Variants in ZFP30 observed in about 807,000 individuals in gnomAD.
ZFP30 encodes zinc finger protein 30 homolog.
ZFP30 carries 16 observed loss-of-function variants against 12.3 expected under a neutral mutation model. The observed-to-expected ratio is 1.30, with a 90% confidence interval of 0.88 to 1.98. The LOEUF (loss-of-function observed/expected upper bound fraction) is 1.98, where lower values mean the gene tolerates loss of function less well. Ranked by LOEUF, ZFP30 falls within the 30% of genes most tolerant of loss-of-function variation. The pLI is 0.00. For synonymous variants in ZFP30, 172 were observed against 201.0 expected (o/e 0.86, Z 1.22); for missense variants, 560 against 611.2 (o/e 0.92, Z 0.88).
chr19:37,651,952 T>C, intron 2 of ZFP30, among the ~76,000 whole-genome samples: 1 of 152,080 alleles, frequency 6.6e-6, no homozygotes, highest in East Asian at 1.9e-4. Context: ...TACAAAACAA[T>C]ATATGATTAG....
intron 3 of ZFP30, 107 bp from the exon 4 acceptor site, chr19:37,644,843 G>A (rs1307923713): frequency 1.7e-6 from 2 of 1,178,584 alleles, no homozygotes; most frequent in South Asian, 1.6e-5. Flanking sequence ...CTAGCTTTGG[G>A]AGCCTGAAGC....
At chr19:37,641,739 A>T (rs1216999639) in intron 5 of ZFP30, among the ~76,000 whole-genome samples, 1 of 152,262 alleles carries the variant, frequency 6.6e-6, no homozygotes, top group African/African-American at 2.4e-5. Context: ...ATAAAATTTT[A>T]AACAACCTAA....
chr19:37,644,142 AG>A (rs1345353339), intron 4 of ZFP30, among the ~76,000 whole-genome samples: 4 of 152,222 alleles, frequency 2.6e-5, no homozygotes, highest in Non-Finnish European at 5.9e-5. Context: ...ATAACAGAAA[AG>A]TCGAAGAAAA....
At chr19:37,649,172 G>C (rs1225886853) in intron 2 of ZFP30, among the ~76,000 whole-genome samples, 1 of 151,388 alleles carries the variant, frequency 6.6e-6, no homozygotes, top group Non-Finnish European at 1.5e-5. Context: ...TTGAGCCCAG[G>C]AGTTCAGGGC....
chr19:37,654,885 T>G lies in ZFP30; in HGVS notation c.-245-6A>C, dbSNP rs2044720683. The G allele has an allele frequency of 2.6e-5, 4 of 152,304 alleles. No individual in the cohort carries two copies. In the South Asian group the frequency reaches 8.3e-4, roughly 32 times the overall value. The allele number at this position is 152,304 out of a possible 1,614,324, so 9.4% of individuals were successfully genotyped here. On this transcript the variant is annotated splice_region_variant and splice_polypyrimidine_tract_variant and intron_variant, in intron 1 of 5. Coordinates refer to ENST00000684514, the MANE Select transcript of ZFP30 (RefSeq NM_001320669.3). The stretch of plus-strand genomic sequence containing the variant: ...TGGCCCCAACTAACCGCCACCTGCA[T>G]GCACAAATGGAAACGACAGGGCAGA...
At chr19:37,648,178 C>A (rs746164320) in intron 2 of ZFP30, among the ~76,000 whole-genome samples, 17 of 152,160 alleles carry the variant, frequency 1.1e-4, no homozygotes, top group Non-Finnish European at 2.1e-4. Context: ...CCAGCTCTGA[C>A]CCCAAGGCGG....
chr19:37,655,771 G>A (rs1293847428), upstream of ZFP30: 1 of 152,116 alleles, frequency 6.6e-6, no homozygotes, highest in Non-Finnish European at 1.5e-5. Flanking sequence ...TCGGCTCGGA[G>A]ACAGGCGGAG....
In ZFP30 at chr19:37,634,699, T is replaced by A; in HGVS notation, c.*282A>T. The A allele has an allele frequency of 3.4e-6, 1 of 298,142 alleles. No homozygotes were observed. Among genetic ancestry groups the A allele is most frequent in the South Asian group, 1.1e-4 (1 of 8,994 alleles). The allele number at this position is 298,142 out of a possible 1,614,324, so 18.5% of individuals were successfully genotyped here. On this transcript the variant is annotated 3_prime_UTR_variant, in exon 6 of 6. Coordinates refer to ENST00000684514, the MANE Select transcript of ZFP30 (RefSeq NM_001320669.3). ...CAACCTTCGTGTGTATATACACAGA[T>A]GGAAGAATATGGAGATAATAATAGG...
rs767407797 is a variant in ZFP30 at position 37,635,373 on chromosome 19, ACTT to A, written c.1165_1167del (p.Lys389del). 2 of 1,613,232 alleles carry A rather than the reference ACTT, an allele frequency of 1.2e-6. No homozygotes were observed. Among genetic ancestry groups the A allele is most frequent in the Non-Finnish European group, 1.7e-6 (2 of 1,179,816 alleles). Reference sequence around the variant, plus strand: ...ATAAGTTCTGAGTAACGACGAAAGAACTTCTGACATTCCTTACATTCATAGGGC... The same window carrying A: ...ATAAGTTCTGAGTAACGACGAAAGAACTGACATTCCTTACATTCATAGGGC... On this transcript the variant is annotated inframe_deletion, in exon 6 of 6. Coordinates refer to ENST00000684514, the MANE Select transcript of ZFP30 (RefSeq NM_001320669.3).
intron 3 of ZFP30, among the ~76,000 whole-genome samples, chr19:37,645,591 A>T (rs1159999347): frequency 2.7e-5 from 4 of 149,054 alleles, no homozygotes; most frequent in African/African-American, 9.9e-5. Context: ...AAAACTTCCT[A>T]CGTACTATGG....
intron 2 of ZFP30, among the ~76,000 whole-genome samples, chr19:37,652,719 ACTAATATTT>A (rs2044675990): frequency 6.6e-6 from 1 of 152,214 alleles, no homozygotes; most frequent in Admixed American, 6.5e-5. Flanking sequence ...TTCCGTAGTT[ACTAATATTT>A]CACAAGCTTG....
upstream of ZFP30, chr19:37,655,630 G>C (rs1004651700): frequency 3.3e-5 from 5 of 152,444 alleles, no homozygotes; most frequent in Admixed American, 6.5e-5. Context: ...CTCGCCTCAG[G>C]CCTCTACCTG....
At position 37,635,484 on chromosome 19, in the gene ZFP30, G is replaced by C. The variant is rs763667151; in HGVS notation, c.1057C>G (p.Pro353Ala). Residue 353 changes from proline (P) to alanine (A), a missense_variant, in exon 6 of 6, where the codon CCT becomes GCT. Transcript: ENST00000684514. ...LHQRIHTGEK[P>A]YDCKECGKTF... ...TTCCCACATTCCTTACAATCATAAG[G>C]CTTCTCACCAGTGTGAATTCTCTGA... 2 of 1,613,970 alleles carry C rather than the reference G, an allele frequency of 1.2e-6. No individual in the cohort carries two copies. Among genetic ancestry groups the C allele is most frequent in the Admixed American group, 1.7e-5 (1 of 59,998 alleles).
chr19:37,636,026 T>C lies in ZFP30; in HGVS notation c.515A>G (p.Gln172Arg). The change falls in exon 6 of 6, where the codon CAA becomes CGA. Residue 172 changes from glutamine (Q) to arginine (R), a missense_variant. Gln to Arg is a conservative substitution (Grantham distance 43, BLOSUM62 1). Transcript: ENST00000684514. Reference sequence around the variant, plus strand: ...ATGAATTCTTTGATGGAAAGTAAGTTGTTGTCGTACTCTAAAAGCCTTCCC... The same window carrying C: ...ATGAATTCTTTGATGGAAAGTAAGTCGTTGTCGTACTCTAAAAGCCTTCCC... Reference protein sequence around the residue: ...ECGKAFRVRQQLTFHQRIHTG... With the variant: ...ECGKAFRVRQRLTFHQRIHTG... The C allele has an allele frequency of 1.2e-6, 2 of 1,614,146 alleles. No individual in the cohort carries two copies. Among genetic ancestry groups the C allele is most frequent in the East Asian group, 2.2e-5 (1 of 44,878 alleles).
At position 37,635,171 on chromosome 19, in the gene ZFP30, T is replaced by C. The variant is rs546189915; in HGVS notation, c.1370A>G (p.Gln457Arg). The C allele has an allele frequency of 3.1e-6, 5 of 1,612,196 alleles. No individual in the cohort carries two copies. The highest frequency in any genetic ancestry group is 4.2e-6 in the Non-Finnish European group (5 of 1,178,924). ...FRLLSQLTQHQSIHTGEKPYD... is the reference protein window; with the variant it reads ...FRLLSQLTQHRSIHTGEKPYD... ...GGGCTTTTCACCAGTATGAATACTT[T>C]GATGTTGGGTAAGTTGTGAAAGCAG... The change falls in exon 6 of 6, where the codon CAA becomes CGA. Residue 457 changes from glutamine to arginine, a missense_variant. Transcript: ENST00000684514.
intron 5 of ZFP30, among the ~76,000 whole-genome samples, chr19:37,642,278 C>T (rs1353990128): frequency 6.6e-6 from 1 of 152,028 alleles, no homozygotes; most frequent in East Asian, 1.9e-4. Context: ...TTAATTTATG[C>T]TTTTTAAATG....
At chr19:37,650,533 G>A (rs1258307749) in intron 2 of ZFP30, among the ~76,000 whole-genome samples, 1 of 152,060 alleles carries the variant, frequency 6.6e-6, no homozygotes, top group Non-Finnish European at 1.5e-5. Context: ...CAAATCTAGA[G>A]GCAGTAATTT....
chr19:37,636,287 T>TA lies in ZFP30; in HGVS notation c.253_254insT (p.Asp85ValfsTer3). ...CTTTCCTTGAAATAACTTTTTAGTG[T>TA]CATATCTGGATTCCAAATCTGAAAG... On this transcript the variant is annotated frameshift_variant, in exon 6 of 6. Transcript: ENST00000684514. LOFTEE classifies it low-confidence loss of function (END_TRUNC). 1 of 1,588,710 alleles carries TA rather than the reference T, an allele frequency of 6.3e-7. No homozygotes were observed. Among genetic ancestry groups the TA allele is most frequent in the Non-Finnish European group, 8.6e-7 (1 of 1,169,530 alleles).
At chr19:37,649,843 GA>G (rs67049117) in intron 2 of ZFP30, among the ~76,000 whole-genome samples, 112,213 of 148,958 alleles carry the variant, frequency 0.75, 42,642 homozygotes, top group Middle Eastern at 0.83. Flanking sequence ...AGAAAGAAAA[GA>G]AAAAAAAAAG....
Sources: gnomAD v4.1 joint callset for allele counts (sites outside exome capture counted in the v4.1 genomes callset) on GRCh38, gnomAD v4.1.1 for gene constraint, MANE v1.5 for transcripts, NCBI Gene and HGNC (gene_info 2026-07-23, HGNC 2026-07-21) for gene names.